Variants in ROBO1 observed in about 807,000 individuals in gnomAD.
The protein encoded by ROBO1 is roundabout guidance receptor 1.
A neutral mutation model predicts 195.9 loss-of-function variants in ROBO1; 149 were observed. The observed-to-expected ratio is 0.76, with a 90% CI of 0.67 to 0.87. The LOEUF (loss-of-function observed/expected upper bound fraction) is 0.87, where lower values mean the gene tolerates loss of function less well. Among genes scored for constraint, ROBO1 ranks in the 40% least tolerant of loss-of-function variants. ROBO1 has a pLI of 0.00. For missense variants in ROBO1, 1,933 were observed against 2,068.3 expected (o/e 0.93, Z 1.27); for synonymous variants, 816 against 733.2 (o/e 1.11, Z -1.82).
At chr3:79,639,458 G>A (rs1427313161) in intron 1 of ROBO1, among the ~76,000 whole-genome samples, 1 of 151,998 alleles carries the variant, frequency 6.6e-6, no homozygotes, top group African/African-American at 2.4e-5. Context: ...GCCTAAATCA[G>A]TAAAATTTTA....
chr3:78,833,664 G>A (rs1211805516), intron 4 of ROBO1, among the ~76,000 whole-genome samples: 1 of 152,102 alleles, frequency 6.6e-6, no homozygotes, highest in Non-Finnish European at 1.5e-5. Context: ...AACACATAAA[G>A]TACTTAGTTC....
Position 78,916,111 on chromosome 3 carries a change from T to C in ROBO1, c.499+22490A>G, listed in dbSNP as rs560571909. ...CTAAAAATACAAAAAATTAGCCGGG[T>C]GTGGTGGCGGCGCCTGTAGTCGCAG... On this transcript the variant is annotated intron_variant, in intron 4 of 30. Transcript: ENST00000464233. Among the ~76,000 whole-genome samples the C allele has an allele frequency of 3.7e-3, 557 of 150,890 alleles. 2 individuals are homozygous for C. The highest frequency in any genetic ancestry group is 6.3e-3 in the Non-Finnish European group (424 of 67,786).
At chr3:79,767,039 A>G (rs570347617) in intron 1 of ROBO1, among the ~76,000 whole-genome samples, 1 of 152,152 alleles carries the variant, frequency 6.6e-6, no homozygotes, top group Non-Finnish European at 1.5e-5. Flanking sequence ...TCACATCAGC[A>G]CCATGTTTTC....
At chr3:78,767,225 TCTGCTGTGAATCCG>T (rs1397571983) in intron 4 of ROBO1, among the ~76,000 whole-genome samples, 7 of 151,386 alleles carry the variant, frequency 4.6e-5, no homozygotes, top group Non-Finnish European at 8.8e-5. Flanking sequence ...CTGGTAGAAT[TCTGCTGTGAATCCG>T]TCTGGTCCTG....
At chr3:79,201,814 A>C (rs2081770248) in intron 2 of ROBO1, among the ~76,000 whole-genome samples, 1 of 151,492 alleles carries the variant, frequency 6.6e-6, no homozygotes, top group African/African-American at 2.4e-5. Context: ...ATATTCACAT[A>C]CTAGGTATTA....
chr3:79,332,253 A>C (rs953119082), intron 2 of ROBO1, among the ~76,000 whole-genome samples: 1 of 152,174 alleles, frequency 6.6e-6, no homozygotes, highest in Non-Finnish European at 1.5e-5. Context: ...CATATTTAAA[A>C]ACACAAGAAG....
At chr3:79,497,704 G>C (rs1939826224) in intron 2 of ROBO1, among the ~76,000 whole-genome samples, 1 of 152,192 alleles carries the variant, frequency 6.6e-6, no homozygotes, top group Non-Finnish European at 1.5e-5. Context: ...GAACTTTAAA[G>C]ATAGGCAGTT....
chr3:79,416,617 AC>A (rs1275130718), intron 2 of ROBO1, among the ~76,000 whole-genome samples: 3 of 151,008 alleles, frequency 2.0e-5, no homozygotes, highest in Admixed American at 6.6e-5. Flanking sequence ...AAAAAAAAAA[AC>A]CGAAAGAAAG....
chr3:79,741,756 G>A (rs955496707), intron 1 of ROBO1, among the ~76,000 whole-genome samples: 10 of 152,122 alleles, frequency 6.6e-5, no homozygotes, highest in Admixed American at 1.3e-4. Context: ...CTAGAGTCTT[G>A]TTAAATGATT....
intron 4 of ROBO1, among the ~76,000 whole-genome samples, chr3:78,915,644 A>G (rs186688): frequency 0.37 from 55,862 of 151,800 alleles, 10,823 homozygotes; most frequent in African/African-American, 0.5. Context: ...AATTTACTGA[A>G]GATATGCATT....
Position 79,230,455 on chromosome 3 carries a change from G to A in ROBO1, c.89-104916C>T, listed in dbSNP as rs191875299. Among the ~76,000 whole-genome samples the A allele has an allele frequency of 3.2e-3, 482 of 152,022 alleles. 3 individuals carry two copies. Among genetic ancestry groups the A allele is most frequent in the African/African-American group, 0.011 (461 of 41,468 alleles). ...CCCTTGCAGAGTCCCCTCCCATGTT[G>A]ACTCCTCTGGGCTTGGTCAAGTGAC... On this transcript the variant is annotated intron_variant, in intron 2 of 30. Transcript: ENST00000464233.
At chr3:79,307,798 G>T (rs540196528) in intron 2 of ROBO1, among the ~76,000 whole-genome samples, 2 of 152,110 alleles carry the variant, frequency 1.3e-5, no homozygotes, top group South Asian at 4.1e-4. Flanking sequence ...TCCATTTAGA[G>T]AATTGATTCA....
At chr3:79,696,464 A>G (rs1947451657) in intron 1 of ROBO1, among the ~76,000 whole-genome samples, 1 of 149,318 alleles carries the variant, frequency 6.7e-6, no homozygotes, top group Non-Finnish European at 1.5e-5. Flanking sequence ...AATAATATAT[A>G]TATATATACA....
intron 4 of ROBO1, among the ~76,000 whole-genome samples, chr3:78,926,203 T>C (rs1012931901): frequency 2.6e-5 from 4 of 152,022 alleles, no homozygotes; most frequent in African/African-American, 9.7e-5. Flanking sequence ...AGGGATGGGG[T>C]TGAATTCTAG....
chr3:79,595,236 A>AATATATTT (rs1212610171), intron 1 of ROBO1, among the ~76,000 whole-genome samples: 1 of 152,000 alleles, frequency 6.6e-6, no homozygotes, highest in African/African-American at 2.4e-5. Flanking sequence ...AAGGTTTGAA[A>AATATATTT]ATATATTTTA....
At chr3:79,498,443 A>G (rs1376045574) in intron 2 of ROBO1, among the ~76,000 whole-genome samples, 4 of 152,206 alleles carry the variant, frequency 2.6e-5, no homozygotes, top group African/African-American at 4.8e-5. Flanking sequence ...TATCTTTTAC[A>G]ATACCTAATT....
chr3:79,620,818 T>G (rs1439763546), intron 1 of ROBO1, among the ~76,000 whole-genome samples: 1 of 152,038 alleles, frequency 6.6e-6, no homozygotes, highest in Non-Finnish European at 1.5e-5. Flanking sequence ...ACAGCAGGCT[T>G]TAAAAGGGTT....
At chr3:79,051,104 A>G (rs2078688307) in intron 3 of ROBO1, among the ~76,000 whole-genome samples, 1 of 152,176 alleles carries the variant, frequency 6.6e-6, no homozygotes, top group Non-Finnish European at 1.5e-5. Context: ...CCTTCAAAAA[A>G]TCAATGAATC....
intron 8 of ROBO1, among the ~76,000 whole-genome samples, chr3:78,690,386 T>C (rs929207544): frequency 6.6e-6 from 1 of 152,002 alleles, no homozygotes; most frequent in Non-Finnish European, 1.5e-5. Context: ...CTCTAACTTA[T>C]AGGGAAGAAA....
Sources: allele counts gnomAD v4.1 joint callset (sites outside exome capture counted in the v4.1 genomes callset), GRCh38; gene constraint gnomAD v4.1.1; transcripts MANE v1.5; gene names NCBI Gene and HGNC (gene_info 2026-07-23, HGNC 2026-07-21).